LRMDA: variants seen among roughly 807,000 people sequenced by gnomAD.
The protein encoded by LRMDA is leucine-rich melanocyte differentiation-associated protein.
A neutral mutation model predicts 29.8 loss-of-function variants in LRMDA; 18 were observed. That is an observed-to-expected ratio of 0.60 (90% CI 0.42 to 0.90). The LOEUF (loss-of-function observed/expected upper bound fraction) is 0.90, where lower values mean the gene tolerates loss of function less well. LRMDA is among the 40% of genes least tolerant of loss of function. LRMDA has a pLI of 0.00. For synonymous variants in LRMDA, 125 were observed against 109.4 expected (o/e 1.14, Z -0.89); for missense variants, 273 against 273.9 (o/e 1.00, Z 0.02).
At chr10:76,541,988 C>T (rs983278664) in intron 6 of LRMDA, among the ~76,000 whole-genome samples, 3 of 151,954 alleles carry the variant, frequency 2.0e-5, no homozygotes, top group East Asian at 1.9e-4. Context: ...GTCATACTTG[C>T]GTTGTTCCAG....
intron 2 of LRMDA, among the ~76,000 whole-genome samples, chr10:76,025,108 T>G (rs1848040403): frequency 6.6e-6 from 1 of 152,004 alleles, no homozygotes; most frequent in Admixed American, 6.6e-5. Context: ...CATGCGTGCA[T>G]GTGTGGTTTT....
chr10:76,184,395 T>C (rs1476473040), intron 5 of LRMDA, among the ~76,000 whole-genome samples: 1 of 152,206 alleles, frequency 6.6e-6, no homozygotes, highest in Non-Finnish European at 1.5e-5. Context: ...TGTCTTGCTC[T>C]TCTGGTGTAT....
At chr10:75,914,516 C>T (rs1254367528) in intron 2 of LRMDA, among the ~76,000 whole-genome samples, 1 of 152,116 alleles carries the variant, frequency 6.6e-6, no homozygotes, top group Non-Finnish European at 1.5e-5. Flanking sequence ...GTTCTTTCTC[C>T]AAAGTTAAGA....
intron 2 of LRMDA, among the ~76,000 whole-genome samples, chr10:75,491,284 G>A (rs973679075): frequency 5.9e-5 from 9 of 152,178 alleles, no homozygotes; most frequent in East Asian, 5.8e-4. Flanking sequence ...TTTGTCACTC[G>A]GACTCTCAGA....
intron 2 of LRMDA, among the ~76,000 whole-genome samples, chr10:75,567,891 G>T (rs1840392685): frequency 6.6e-6 from 1 of 152,134 alleles, no homozygotes; most frequent in South Asian, 2.1e-4. Flanking sequence ...CCAGAATAGG[G>T]GTGATGTATG....
chr10:76,542,471 G>A (rs774305608), intron 6 of LRMDA, among the ~76,000 whole-genome samples: 1 of 152,104 alleles, frequency 6.6e-6, no homozygotes, highest in Non-Finnish European at 1.5e-5. Context: ...ATAACCCCTG[G>A]AAAATAACAG....
chr10:75,849,986 T>C (rs1385806644), intron 2 of LRMDA, among the ~76,000 whole-genome samples: 1 of 152,190 alleles, frequency 6.6e-6, no homozygotes, highest in East Asian at 1.9e-4. Context: ...TGGTAGCATA[T>C]AAATTGTGAA....
At chr10:76,020,847 G>A (rs1374436972) in intron 2 of LRMDA, among the ~76,000 whole-genome samples, 1 of 152,256 alleles carries the variant, frequency 6.6e-6, no homozygotes, top group Non-Finnish European at 1.5e-5. Flanking sequence ...CCTGAGGAAT[G>A]TCAACCTTGT....
intron 2 of LRMDA, among the ~76,000 whole-genome samples, chr10:75,442,349 GTACAT>G (rs1399641278): frequency 6.6e-6 from 1 of 152,210 alleles, no homozygotes; most frequent in Non-Finnish European, 1.5e-5. Context: ...CCACCATGCT[GTACAT>G]TACATTATGT....
intron 5 of LRMDA, among the ~76,000 whole-genome samples, chr10:76,183,202 A>G (rs1227188860): frequency 6.6e-6 from 1 of 152,220 alleles, no homozygotes; most frequent in Non-Finnish European, 1.5e-5. Flanking sequence ...AAATAGCATG[A>G]ATTCTTTAAA....
At chr10:75,856,001 T>A (rs1371612966) in intron 2 of LRMDA, among the ~76,000 whole-genome samples, 4 of 152,230 alleles carry the variant, frequency 2.6e-5, no homozygotes, top group Non-Finnish European at 5.9e-5. Flanking sequence ...GGTAGTGTGA[T>A]GCCTCCAGCT....
intron 5 of LRMDA, among the ~76,000 whole-genome samples, chr10:76,254,874 T>A (rs1156679769): frequency 6.6e-6 from 1 of 152,190 alleles, no homozygotes; most frequent in African/African-American, 2.4e-5. Flanking sequence ...GCCTTTATCA[T>A]GTCAACTCCA....
At chr10:75,926,296 A>C (rs1846118886) in intron 2 of LRMDA, among the ~76,000 whole-genome samples, 1 of 152,196 alleles carries the variant, frequency 6.6e-6, no homozygotes, top group East Asian at 1.9e-4. Context: ...TAAAAAGTGG[A>C]GCAGGGGAGA....
chr10:75,813,781 G>C (rs932673100), intron 2 of LRMDA, among the ~76,000 whole-genome samples: 1 of 152,182 alleles, frequency 6.6e-6, no homozygotes, highest in Non-Finnish European at 1.5e-5. Flanking sequence ...GGAAGACAGG[G>C]TTATATTAAT....
intron 6 of LRMDA, among the ~76,000 whole-genome samples, chr10:76,549,517 G>A (rs1473080458): frequency 6.6e-6 from 1 of 152,108 alleles, no homozygotes; most frequent in East Asian, 1.9e-4. Context: ...TCCAGGTATG[G>A]TGCATCCTAA....
At chr10:76,249,586 A>G (rs1342641149) in intron 5 of LRMDA, among the ~76,000 whole-genome samples, 3 of 152,246 alleles carry the variant, frequency 2.0e-5, no homozygotes, top group Non-Finnish European at 4.4e-5. Context: ...ACATTCAAAG[A>G]GGCAGACATT....
At chr10:75,576,719 A>G (rs1415262919) in intron 2 of LRMDA, among the ~76,000 whole-genome samples, 1 of 152,206 alleles carries the variant, frequency 6.6e-6, no homozygotes, top group Non-Finnish European at 1.5e-5. Flanking sequence ...GCTGTTCTGC[A>G]GCCTCTGACA....
intron 6 of LRMDA, among the ~76,000 whole-genome samples, chr10:76,467,934 A>T (rs1003654172): frequency 2.0e-5 from 3 of 152,166 alleles, no homozygotes; most frequent in Admixed American, 1.3e-4. Context: ...CTTTTGTAAG[A>T]CTAAATAAAT....
chr10:75,456,619 C>T (rs1844521237), intron 2 of LRMDA, among the ~76,000 whole-genome samples: 1 of 152,220 alleles, frequency 6.6e-6, no homozygotes, highest in African/African-American at 2.4e-5. Context: ...AGGTGCCCCT[C>T]TATCAGAAGA....
Sources: allele counts gnomAD v4.1 joint callset (sites outside exome capture counted in the v4.1 genomes callset), GRCh38; gene constraint gnomAD v4.1.1; transcripts MANE v1.5; gene names NCBI Gene and HGNC (gene_info 2026-07-23, HGNC 2026-07-21).